CIMIP6: variants seen among roughly 807,000 people sequenced by gnomAD.
CIMIP6 encodes ciliary microtubule inner protein 6, also known as uncharacterized protein C2orf73.
At chr2:54,382,140 C>T in the CIMIP6 span, among the ~76,000 whole-genome samples, 85 of 152,208 alleles carry the variant, frequency 5.6e-4, no homozygotes, top group African/African-American at 1.8e-3. Context: ...TGAAAGACAA[C>T]AAACATTCTA....
the CIMIP6 span, among the ~76,000 whole-genome samples, chr2:54,379,048 A>G: frequency 6.8e-6 from 1 of 146,442 alleles, no homozygotes; most frequent in East Asian, 1.9e-4. Context: ...ATGAATAATA[A>G]ACCAACGAAG....
chr2:54,357,412 G>A, the CIMIP6 span, among the ~76,000 whole-genome samples: 3 of 151,896 alleles, frequency 2.0e-5, no homozygotes, highest in Non-Finnish European at 2.9e-5. Context: ...TAAGCATATG[G>A]CACAAAATTC....
the CIMIP6 span, among the ~76,000 whole-genome samples, chr2:54,344,714 C>CT: frequency 1.6e-5 from 1 of 62,962 alleles, no homozygotes; most frequent in East Asian, 3.6e-4. Flanking sequence ...TCAAGCTGAT[C>CT]CCCCGTCCCC....
At chr2:54,363,343 T>G in the CIMIP6 span, among the ~76,000 whole-genome samples, 2,016 of 152,324 alleles carry the variant, frequency 0.013, 52 homozygotes, top group African/African-American at 0.046. Flanking sequence ...CGGTAGCTAC[T>G]TGGGCATTAC....
the CIMIP6 span, among the ~76,000 whole-genome samples, chr2:54,364,877 A>G: frequency 2.0e-5 from 3 of 152,256 alleles, no homozygotes; most frequent in African/African-American, 7.2e-5. Context: ...AACATTTGAA[A>G]TATACAACTA....
chr2:54,344,394 C>G, the CIMIP6 span, among the ~76,000 whole-genome samples: 1 of 152,136 alleles, frequency 6.6e-6, no homozygotes, highest in Non-Finnish European at 1.5e-5. Context: ...GAAGAACTTT[C>G]TGGAACGTAG....
the CIMIP6 span, chr2:54,361,368 T>C: frequency 1.3e-5 from 2 of 152,206 alleles, no homozygotes; most frequent in African/African-American, 4.8e-5. Flanking sequence ...TACTTCCAAT[T>C]TGGTGTGTTT....
At chr2:54,382,343 G>A in the CIMIP6 span, among the ~76,000 whole-genome samples, 1 of 152,074 alleles carries the variant, frequency 6.6e-6, no homozygotes, top group Admixed American at 6.5e-5. Context: ...TTGATAATGT[G>A]GCCATTATAG....
At chr2:54,364,054 A>C in the CIMIP6 span, among the ~76,000 whole-genome samples, 1 of 152,220 alleles carries the variant, frequency 6.6e-6, no homozygotes, top group East Asian at 1.9e-4. Context: ...CCTCACAATG[A>C]CTGAAAGTCA....
At chr2:54,361,312 C>A in the CIMIP6 span, 1 of 152,186 alleles carries the variant, frequency 6.6e-6, no homozygotes, top group African/African-American at 2.4e-5. Context: ...ATTTCTAGCA[C>A]CAACTCAACC....
chr2:54,384,134 T>C, the CIMIP6 span, among the ~76,000 whole-genome samples: 1 of 152,234 alleles, frequency 6.6e-6, no homozygotes, highest in Admixed American at 6.5e-5. Flanking sequence ...CGCCTGGTGG[T>C]ATGTGCTTTG....
the CIMIP6 span, among the ~76,000 whole-genome samples, chr2:54,341,909 A>G: frequency 6.6e-6 from 1 of 152,222 alleles, no homozygotes. Context: ...ATTTTCAGCC[A>G]GATAGTGAGA....
the CIMIP6 span, among the ~76,000 whole-genome samples, chr2:54,365,645 C>G: frequency 6.6e-6 from 1 of 152,158 alleles, no homozygotes; most frequent in Non-Finnish European, 1.5e-5. Flanking sequence ...TGAGGCCTCA[C>G]TAAAGCCAAG....
At chr2:54,379,833 C>A in the CIMIP6 span, among the ~76,000 whole-genome samples, 1 of 151,690 alleles carries the variant, frequency 6.6e-6, no homozygotes, top group South Asian at 2.1e-4. Context: ...AAAAGGAAGC[C>A]GAGCATGGTG....
chr2:54,349,600 G>A, the CIMIP6 span, among the ~76,000 whole-genome samples: 2 of 152,156 alleles, frequency 1.3e-5, no homozygotes, highest in Admixed American at 6.5e-5. Flanking sequence ...CTTCTTTCAA[G>A]TAATTACTTT....
At chr2:54,374,328 G>A in the CIMIP6 span, among the ~76,000 whole-genome samples, 1 of 152,050 alleles carries the variant, frequency 6.6e-6, no homozygotes, top group Non-Finnish European at 1.5e-5. Flanking sequence ...GAAAAGTGCT[G>A]GAAGTCCTTT....
the CIMIP6 span, among the ~76,000 whole-genome samples, chr2:54,355,791 G>A: frequency 4.0e-5 from 6 of 151,590 alleles, no homozygotes; most frequent in African/African-American, 1.2e-4. Context: ...GTTCTTGTTC[G>A]TATTAACAAT....
chr2:54,366,477 A>G, the CIMIP6 span, among the ~76,000 whole-genome samples: 1 of 152,208 alleles, frequency 6.6e-6, no homozygotes, highest in Non-Finnish European at 1.5e-5. Context: ...AACTTATACA[A>G]TGATTGAGCA....
the CIMIP6 span, among the ~76,000 whole-genome samples, chr2:54,353,625 C>G: frequency 6.6e-6 from 1 of 152,084 alleles, no homozygotes; most frequent in East Asian, 1.9e-4. Flanking sequence ...TGAATAAATG[C>G]TCCTTAGATT....
Sources: gnomAD v4.1 joint callset for allele counts (sites outside exome capture counted in the v4.1 genomes callset) on GRCh38, gnomAD v4.1.1 for gene constraint, MANE v1.5 for transcripts, NCBI Gene and HGNC (gene_info 2026-07-23, HGNC 2026-07-21) for gene names.